SAMD3: variants seen among roughly 807,000 people sequenced by gnomAD.
SAMD3 encodes sterile alpha motif domain-containing protein 3.
SAMD3 carries 63 observed loss-of-function variants against 58.5 expected under a neutral mutation model. The observed-to-expected ratio is 1.08, with a 90% CI of 0.88 to 1.33. The LOEUF is 1.33. SAMD3 is among the 40% of genes most tolerant of loss of function. The probability of loss-of-function intolerance (pLI) is 0.00; values close to 1 mark genes in which losing one functional copy is unlikely to be tolerated. For missense variants in SAMD3, 604 were observed against 608.4 expected, an observed-to-expected ratio of 0.99 and a Z score of 0.08; for synonymous variants, 220 against 210.3, an observed-to-expected ratio of 1.05 and a Z score of -0.40.
intron 8 of SAMD3, among the ~76,000 whole-genome samples, chr6:130,168,508 T>A (rs937203327): frequency 6.6e-6 from 1 of 152,158 alleles, no homozygotes; most frequent in Admixed American, 6.5e-5. Context: ...CTTTGGTAAA[T>A]CCCATCAGAC....
intron 2 of SAMD3, among the ~76,000 whole-genome samples, chr6:130,266,256 G>A (rs1317187387): frequency 6.6e-6 from 1 of 152,120 alleles, no homozygotes; most frequent in Non-Finnish European, 1.5e-5. Flanking sequence ...CAAGAAATTT[G>A]TTTTTGCAAT....
intron 2 of SAMD3, among the ~76,000 whole-genome samples, chr6:130,247,109 C>T (rs147199195): frequency 1.6e-4 from 24 of 152,208 alleles, no homozygotes; most frequent in Non-Finnish European, 2.5e-4. Flanking sequence ...AGACATCCTG[C>T]ACATTAGAAA....
intron 1 of SAMD3, among the ~76,000 whole-genome samples, chr6:130,345,798 G>C (rs1030476904): frequency 2.0e-5 from 3 of 152,166 alleles, no homozygotes; most frequent in Non-Finnish European, 4.4e-5. Context: ...TGAATGTAGG[G>C]AGCTCAAGAA....
chr6:130,318,577 C>G (rs545179574), intron 1 of SAMD3, among the ~76,000 whole-genome samples: 3 of 146,344 alleles, frequency 2.0e-5, no homozygotes, highest in Admixed American at 2.0e-4. Context: ...TACAGGCACA[C>G]GCCACCATGC....
chr6:130,277,995 GA>G (rs1233107654), intron 2 of SAMD3, among the ~76,000 whole-genome samples: 102 of 152,274 alleles, frequency 6.7e-4, no homozygotes, highest in Middle Eastern at 3.4e-3. Flanking sequence ...CACAAGATTA[GA>G]AATTATAGTT....
At chr6:130,252,491 A>G (rs1401453607) in intron 2 of SAMD3, among the ~76,000 whole-genome samples, 1 of 152,202 alleles carries the variant, frequency 6.6e-6, no homozygotes, top group Admixed American at 6.5e-5. Flanking sequence ...TAAACCAAGT[A>G]GCTGCAAATA....
chr6:130,173,608 T>C (rs1336825392), intron 8 of SAMD3, among the ~76,000 whole-genome samples: 1 of 152,212 alleles, frequency 6.6e-6, no homozygotes, highest in Non-Finnish European at 1.5e-5. Context: ...GAATGAGGTG[T>C]CTGTCGACCC....
chr6:130,165,537 A>G (rs1790658180), intron 8 of SAMD3, among the ~76,000 whole-genome samples: 1 of 152,202 alleles, frequency 6.6e-6, no homozygotes, highest in African/African-American at 2.4e-5. Flanking sequence ...AATTTACCCC[A>G]TAAAGACAGA....
intron 1 of SAMD3, among the ~76,000 whole-genome samples, chr6:130,331,077 C>G (rs1776918164): frequency 6.6e-6 from 1 of 152,140 alleles, no homozygotes; most frequent in South Asian, 2.1e-4. Flanking sequence ...GAAGTTATAA[C>G]TAAATCAAGG....
At chr6:130,164,814 A>G (rs946200101) in intron 8 of SAMD3, among the ~76,000 whole-genome samples, 7 of 152,156 alleles carry the variant, frequency 4.6e-5, no homozygotes, top group African/African-American at 1.7e-4. Context: ...TTCATTGGCC[A>G]GCCTTGTCAC....
chr6:130,224,592 T>TTTATTTA (rs1554264489), upstream of SAMD3, among the ~76,000 whole-genome samples: 14 of 143,900 alleles, frequency 9.7e-5, 1 homozygote, highest in Middle Eastern at 7.1e-3. Flanking sequence ...ACTCTATTTA[T>TTTATTTA]TTATTATTAT....
chr6:130,251,466 C>A (rs1175504075), intron 2 of SAMD3, among the ~76,000 whole-genome samples: 1 of 151,808 alleles, frequency 6.6e-6, no homozygotes, highest in African/African-American at 2.4e-5. Context: ...AATGCAAGGA[C>A]ACAAATTTTT....
chr6:130,353,218 T>C (rs1777732596), intron 1 of SAMD3, among the ~76,000 whole-genome samples: 1 of 152,212 alleles, frequency 6.6e-6, no homozygotes, highest in Non-Finnish European at 1.5e-5. Context: ...ATATCTCTAA[T>C]CCAGCTTTTA....
At chr6:130,241,048 T>G (rs115432228) in intron 2 of SAMD3, among the ~76,000 whole-genome samples, 2,841 of 152,122 alleles carry the variant, frequency 0.019, 78 homozygotes, top group African/African-American at 0.064. Context: ...GTCAGGATGC[T>G]CCAGTAGCCC....
intron 2 of SAMD3, among the ~76,000 whole-genome samples, chr6:130,273,270 T>A (rs1001911917): frequency 3.9e-5 from 6 of 152,260 alleles, no homozygotes; most frequent in Non-Finnish European, 7.4e-5. Flanking sequence ...TATTTCTTTG[T>A]CTTGTGAATA....
Position 130,184,122 on chromosome 6 carries a change from T to G in SAMD3, c.635A>C (p.Asp212Ala), listed in dbSNP as rs1792679999. 1 of 1,613,820 alleles carries G rather than the reference T, an allele frequency of 6.2e-7. No homozygotes were observed. Reference protein sequence around the residue: ...NALLQAHPFLDEDGCGFFLWK... With the variant: ...NALLQAHPFLAEDGCGFFLWK... Reference sequence around the variant, plus strand: ...ACTTACGAAGCCACAGCCATCCTCATCCAGGAAAGGGTGGGCCTGCAGCAG... The same window carrying G: ...ACTTACGAAGCCACAGCCATCCTCAGCCAGGAAAGGGTGGGCCTGCAGCAG... Residue 212 changes from aspartate (D) to alanine (A), a missense_variant, in exon 7 of 12, where the codon GAT becomes GCT. Physicochemically the swap from Asp to Ala is moderately radical, Grantham distance 126. Transcript: ENST00000439090.
intron 2 of SAMD3, among the ~76,000 whole-genome samples, chr6:130,266,748 C>T (rs1347945784): frequency 1.3e-5 from 2 of 152,192 alleles, no homozygotes; most frequent in African/African-American, 4.8e-5. Context: ...ATTAAACCAT[C>T]TTTCTTCCTA....
intron 1 of SAMD3, among the ~76,000 whole-genome samples, chr6:130,316,288 T>TAAAA (rs777240578): frequency 1.8e-3 from 144 of 79,552 alleles, no homozygotes; most frequent in Non-Finnish European, 2.4e-3. Context: ...AAGGCTGTCT[T>TAAAA]AAAAAAAAAA....
chr6:130,320,223 C>CA (rs1010366535), intron 1 of SAMD3, among the ~76,000 whole-genome samples: 2 of 151,574 alleles, frequency 1.3e-5, no homozygotes, highest in African/African-American at 4.8e-5. Context: ...CTTTCCTCTT[C>CA]AAAAAAAGAA....
Sources: allele counts gnomAD v4.1 joint callset (sites outside exome capture counted in the v4.1 genomes callset), GRCh38; gene constraint gnomAD v4.1.1; transcripts MANE v1.5; gene names NCBI Gene and HGNC (gene_info 2026-07-23, HGNC 2026-07-21).